The following OTUD7A variants were observed in gnomAD, a reference collection of about 807,000 sequenced individuals.
OTUD7A encodes OTU domain-containing protein 7A.
A neutral mutation model predicts 65.7 loss-of-function variants in OTUD7A; 12 were observed. That is an observed-to-expected ratio of 0.18 (90% CI 0.12 to 0.30). OTUD7A has a LOEUF of 0.30. Among genes scored for constraint, OTUD7A ranks in the 10% least tolerant of loss-of-function variants. OTUD7A has a pLI of 1.00. For missense variants in OTUD7A, 1,148 were observed against 1,304.8 expected, an observed-to-expected ratio of 0.88 and a Z score of 1.85; for synonymous variants, 641 against 586.3, an observed-to-expected ratio of 1.09 and a Z score of -1.35.
rs567297687 is a variant in OTUD7A, at chr15:31,633,122, C to T, written c.151+21974G>A. ...TTCGGCCCACGCACAGTGCGCTGCACCCACTGTCCTGCACCCACTGTGTGG... is the reference window on the plus strand; with the variant it reads ...TTCGGCCCACGCACAGTGCGCTGCATCCACTGTCCTGCACCCACTGTGTGG... On this transcript the variant is annotated intron_variant, in intron 3 of 12. Transcript: ENST00000307050. 2.0e-5 allele frequency among the ~76,000 whole-genome samples: 3 copies of T among 152,314 alleles called. No homozygotes were observed. In the South Asian group the frequency reaches 6.2e-4, roughly 32 times the overall value.
At chr15:31,554,941 C>A (rs1382144138) in intron 5 of OTUD7A, among the ~76,000 whole-genome samples, 1 of 152,186 alleles carries the variant, frequency 6.6e-6, no homozygotes, top group Non-Finnish European at 1.5e-5. Context: ...CTGAGACTGT[C>A]ATGAGGTGGG....
At chr15:31,752,262 CA>C (rs1304621884) in intron 1 of OTUD7A, among the ~76,000 whole-genome samples, 2 of 151,970 alleles carry the variant, frequency 1.3e-5, no homozygotes, top group Non-Finnish European at 2.9e-5. Context: ...TGGATACATA[CA>C]AATACAGTAC....
At chr15:31,552,702 G>T (rs996445526) in intron 5 of OTUD7A, among the ~76,000 whole-genome samples, 1 of 152,226 alleles carries the variant, frequency 6.6e-6, no homozygotes, top group Non-Finnish European at 1.5e-5. Flanking sequence ...CCACACTCTG[G>T]CCCAGGCCCT....
intron 3 of OTUD7A, among the ~76,000 whole-genome samples, chr15:31,651,521 A>C (rs886173562): frequency 7.9e-5 from 12 of 151,748 alleles, no homozygotes; most frequent in African/African-American, 2.9e-4. Flanking sequence ...GAAGAAATAA[A>C]ACTGTCCTTA....
chr15:31,551,560 A>T (rs1474665366), intron 5 of OTUD7A, among the ~76,000 whole-genome samples: 1 of 152,238 alleles, frequency 6.6e-6, no homozygotes, highest in Admixed American at 6.5e-5. Flanking sequence ...TTCATCCGTG[A>T]TAATGGGACC....
chr15:31,534,691 A>G (rs1345703424), intron 5 of OTUD7A, among the ~76,000 whole-genome samples: 1 of 152,236 alleles, frequency 6.6e-6, no homozygotes, highest in Non-Finnish European at 1.5e-5. Flanking sequence ...ACTAATAAGC[A>G]ATTTTTTAAG....
Position 31,484,541 on chromosome 15 carries a change from A to G in OTUD7A, c.1555T>C (p.Ser519Pro), listed in dbSNP as rs1183626328. The change falls in exon 13 of 13, where the codon TCC becomes CCC. Residue 519 changes from serine to proline, a missense_variant. Coordinates refer to ENST00000307050, the MANE Select transcript of OTUD7A (RefSeq NM_001382637.1). The surrounding 1 kb of genome is among the most constrained non-coding windows in gnomAD (Gnocchi z 4.5). ...AAGCTGCCCAGCTTGTTGGCCACGG[A>G]GTCGGCGCGCGTCTTGTCCTTCTCC... is the stretch of plus-strand genomic sequence containing the variant. ...RKEKDKTRAD[S>P]VANKLGSFSK... 1 of 1,611,262 alleles carries G rather than the reference A, an allele frequency of 6.2e-7. No homozygotes were observed. The highest frequency in any genetic ancestry group is 8.5e-7 in the Non-Finnish European group (1 of 1,179,956).
At chr15:31,665,349 T>C (rs889870460) in intron 1 of OTUD7A, among the ~76,000 whole-genome samples, 1 of 152,218 alleles carries the variant, frequency 6.6e-6, no homozygotes, top group African/African-American at 2.4e-5. Flanking sequence ...CAGTGTTCTG[T>C]AGTTTTCCTT....
intron 1 of OTUD7A, 35 bp downstream of exon 1, chr15:31,870,460 CCCGGCCCCGCCG>C (rs1381840851): frequency 6.8e-6 from 1 of 147,638 alleles, no homozygotes; most frequent in Non-Finnish European, 1.5e-5. Context: ...GGTCCGCGGG[CCCGGCCCCGCCG>C]CCCGCCGGCA....
At chr15:31,508,410 GC>G (rs34541387) in intron 8 of OTUD7A, among the ~76,000 whole-genome samples, 113,083 of 151,928 alleles carry the variant, frequency 0.74, 42,500 homozygotes, top group African/African-American at 0.85. Flanking sequence ...GTGCAGTGGC[GC>G]CGATCTCCGC....
intron 3 of OTUD7A, among the ~76,000 whole-genome samples, chr15:31,587,366 G>C (rs1227780919): frequency 6.6e-6 from 1 of 152,040 alleles, no homozygotes; most frequent in Non-Finnish European, 1.5e-5. Context: ...GGCCGGGCGC[G>C]GTGGCTCACG....
intron 1 of OTUD7A, among the ~76,000 whole-genome samples, chr15:31,843,037 A>C (rs1199104317): frequency 1.3e-5 from 2 of 151,852 alleles, no homozygotes; most frequent in African/African-American, 2.4e-5. Flanking sequence ...TGCTATGCAG[A>C]CCCTAGTCCC....
intron 1 of OTUD7A, among the ~76,000 whole-genome samples, chr15:31,670,490 G>A (rs1278686017): frequency 6.6e-6 from 1 of 152,114 alleles, no homozygotes; most frequent in East Asian, 1.9e-4. Flanking sequence ...GCACGAGATG[G>A]TATCTCATTG....
At chr15:31,811,471 G>A (rs894075214) in intron 1 of OTUD7A, among the ~76,000 whole-genome samples, 1 of 151,968 alleles carries the variant, frequency 6.6e-6, no homozygotes, top group African/African-American at 2.4e-5. Flanking sequence ...TGTAGTGTCT[G>A]TAGATGTGTG....
At chr15:31,811,452 T>A (rs962052884) in intron 1 of OTUD7A, among the ~76,000 whole-genome samples, 3 of 151,820 alleles carry the variant, frequency 2.0e-5, no homozygotes, top group Non-Finnish European at 4.4e-5. Context: ...GCTTTGTATG[T>A]ATGTATGGTG....
chr15:31,767,813 T>C (rs1895129015), intron 1 of OTUD7A: 1 of 807,534 alleles, frequency 1.2e-6, no homozygotes, highest in African/African-American at 1.7e-5. Context: ...ACTATCTTTA[T>C]CTTTGGAAAA....
At chr15:31,568,218 C>A (rs994879095) in intron 4 of OTUD7A, among the ~76,000 whole-genome samples, 1 of 152,282 alleles carries the variant, frequency 6.6e-6, no homozygotes, top group African/African-American at 2.4e-5. Context: ...TGGAAAGCCA[C>A]AGGGGCAGAG....
chr15:31,804,622 C>T (rs1481507542), intron 1 of OTUD7A, among the ~76,000 whole-genome samples: 1 of 152,196 alleles, frequency 6.6e-6, no homozygotes, highest in African/African-American at 2.4e-5. Flanking sequence ...CAGAAACCGA[C>T]ACCTCTCTTG....
At chr15:31,795,882 T>TCA (rs1391407598) in intron 1 of OTUD7A, among the ~76,000 whole-genome samples, 3 of 152,164 alleles carry the variant, frequency 2.0e-5, no homozygotes. Context: ...AGGAATGTAG[T>TCA]CACACACACC....
Sources: gnomAD v4.1 joint callset for allele counts (sites outside exome capture counted in the v4.1 genomes callset) on GRCh38, gnomAD v4.1.1 for gene constraint, Gnocchi (gnomAD v3.1) non-coding constraint, MANE v1.5 for transcripts, NCBI Gene and HGNC (gene_info 2026-07-23, HGNC 2026-07-21) for gene names.